The following SYT1 variants were observed in gnomAD, a reference collection of about 807,000 sequenced individuals.
The protein encoded by SYT1 is synaptotagmin 1, also known as synaptotagmin-1.
In SYT1, 8 loss-of-function variants were observed where a neutral mutation model predicts 44.8. That is an observed-to-expected ratio of 0.18 (90% CI 0.10 to 0.32). SYT1 has a LOEUF of 0.32. SYT1 is among the 10% of genes least tolerant of loss of function. The pLI, the probability that SYT1 is intolerant of heterozygous loss-of-function variation, is 1.00. For missense variants in SYT1, 286 were observed against 509.3 expected (o/e 0.56, Z 4.22); for synonymous variants, 154 against 188.8 (o/e 0.82, Z 1.51).
intron 9 of SYT1, among the ~76,000 whole-genome samples, chr12:79,368,257 A>G (rs528106445): frequency 3.9e-5 from 6 of 152,142 alleles, no homozygotes; most frequent in African/African-American, 1.2e-4. Context: ...ATAGTATTCC[A>G]TGGTGTATAT....
intron 1 of SYT1, among the ~76,000 whole-genome samples, chr12:78,955,735 C>G (rs955444829): frequency 2.1e-5 from 3 of 145,570 alleles, no homozygotes; most frequent in Non-Finnish European, 3.0e-5. Flanking sequence ...CAGAAAGAAA[C>G]TTTTTTTTTT....
intron 3 of SYT1, among the ~76,000 whole-genome samples, chr12:79,125,844 G>A (rs1868404200): frequency 6.6e-6 from 1 of 152,120 alleles, no homozygotes; most frequent in South Asian, 2.1e-4. Context: ...CCTTATCAAA[G>A]AAGACTTTCC....
intron 9 of SYT1, among the ~76,000 whole-genome samples, chr12:79,434,162 TC>T (rs2136184582): frequency 6.6e-6 from 1 of 152,368 alleles, no homozygotes; most frequent in East Asian, 1.9e-4. Context: ...ATGAACTAAA[TC>T]AGCCTTTGCT....
chr12:79,080,529 A>T (rs1273090868), intron 3 of SYT1, among the ~76,000 whole-genome samples: 4 of 152,180 alleles, frequency 2.6e-5, no homozygotes, highest in South Asian at 2.1e-4. Flanking sequence ...ATCACAATGG[A>T]TTTTGGTGGA....
intron 3 of SYT1, among the ~76,000 whole-genome samples, chr12:79,071,608 C>T (rs757044456): frequency 3.3e-5 from 5 of 152,154 alleles, no homozygotes; most frequent in Admixed American, 6.5e-5. Flanking sequence ...GAAATCCAAA[C>T]TCAAGATGTC....
intron 8 of SYT1, among the ~76,000 whole-genome samples, chr12:79,310,342 T>C (rs1880710188): frequency 6.6e-6 from 1 of 152,136 alleles, no homozygotes; most frequent in Admixed American, 6.5e-5. Context: ...TGTGGCGTTA[T>C]TTCTGAGGGC....
chr12:79,448,503 C>T (rs1455558555), intron 10 of SYT1, among the ~76,000 whole-genome samples: 1 of 152,146 alleles, frequency 6.6e-6, no homozygotes, highest in African/African-American at 2.4e-5. Flanking sequence ...AATGCCAGAA[C>T]TTTCACTGAT....
At chr12:79,423,597 G>A (rs918049017) in intron 9 of SYT1, among the ~76,000 whole-genome samples, 1 of 151,922 alleles carries the variant, frequency 6.6e-6, no homozygotes, top group Non-Finnish European at 1.5e-5. Flanking sequence ...TCTTACTCTT[G>A]GCTAAAAAAC....
intron 1 of SYT1, among the ~76,000 whole-genome samples, chr12:78,922,420 A>G (rs1397634356): frequency 4.0e-5 from 6 of 151,692 alleles, no homozygotes; most frequent in South Asian, 2.1e-4. Context: ...AATGTTGTTT[A>G]TTATATTAAA....
intron 8 of SYT1, among the ~76,000 whole-genome samples, chr12:79,308,596 A>G (rs1456441180): frequency 3.6e-5 from 3 of 82,520 alleles, no homozygotes; most frequent in Non-Finnish European, 7.3e-5. Context: ...AGAAAGAAGA[A>G]AGAAAGAAAG....
At chr12:79,072,153 A>C (rs1876326137) in intron 3 of SYT1, among the ~76,000 whole-genome samples, 1 of 152,168 alleles carries the variant, frequency 6.6e-6, no homozygotes, top group South Asian at 2.1e-4. Context: ...AAAAAGGATT[A>C]TCTTCTATGA....
At chr12:79,224,937 G>C (rs1053500969) in intron 4 of SYT1, among the ~76,000 whole-genome samples, 1 of 151,570 alleles carries the variant, frequency 6.6e-6, no homozygotes, top group African/African-American at 2.4e-5. Context: ...ACACCACCAC[G>C]CCTGGCTAAT....
intron 3 of SYT1, among the ~76,000 whole-genome samples, chr12:79,192,766 C>T (rs1873208658): frequency 6.6e-6 from 1 of 152,168 alleles, no homozygotes; most frequent in African/African-American, 2.4e-5. Flanking sequence ...ACATTGACCT[C>T]ACAGTATGAG....
rs1366458753 is a variant in SYT1 at position 79,192,138 on chromosome 12, A to AAG, written c.-17-25365_-17-25364insAG. 2.0e-5 allele frequency among the ~76,000 whole-genome samples: 3 copies of AAG among 152,292 alleles called. No homozygotes were observed. The East Asian group carries it at 5.8e-4, about 29-fold the overall frequency. On this transcript the variant is annotated intron_variant, in intron 3 of 10. Coordinates refer to ENST00000261205, the MANE Select transcript of SYT1 (RefSeq NM_005639.3). Reference sequence around the variant, plus strand: ...AAGCGTGCAAGTAAAAAGGAAAGAGATTGAAGGTCTAAGAATGTCAGAAAT... The same window carrying AAG: ...AAGCGTGCAAGTAAAAAGGAAAGAGAAGTTGAAGGTCTAAGAATGTCAGAAAT...
chr12:79,043,777 T>G (rs976948767), intron 2 of SYT1, among the ~76,000 whole-genome samples: 5 of 152,202 alleles, frequency 3.3e-5, no homozygotes, highest in African/African-American at 7.2e-5. Context: ...GTTGTTCCTT[T>G]CCATGTTTAG....
At chr12:79,396,873 G>A (rs555780154) in intron 9 of SYT1, among the ~76,000 whole-genome samples, 1 of 152,086 alleles carries the variant, frequency 6.6e-6, no homozygotes, top group Non-Finnish European at 1.5e-5. Context: ...AATAATTTTG[G>A]GTGCTGGTAA....
intron 2 of SYT1, among the ~76,000 whole-genome samples, chr12:78,984,512 T>C (rs562468397): frequency 7.2e-5 from 11 of 152,036 alleles, no homozygotes; most frequent in African/African-American, 2.6e-4. Context: ...GAGGATTTAA[T>C]ATCCAGAATA....
At chr12:78,961,564 A>G (rs1879506021) in intron 1 of SYT1, among the ~76,000 whole-genome samples, 1 of 152,072 alleles carries the variant, frequency 6.6e-6, no homozygotes, top group Non-Finnish European at 1.5e-5. Context: ...TTATCTTTGT[A>G]ACTATGTCTC....
chr12:79,409,485 G>A (rs1236936558), intron 9 of SYT1, among the ~76,000 whole-genome samples: 3 of 151,970 alleles, frequency 2.0e-5, no homozygotes, highest in Non-Finnish European at 2.9e-5. Flanking sequence ...ATATTACTTC[G>A]CTTTGTTCTG....
Sources: gnomAD v4.1 joint callset for allele counts (sites outside exome capture counted in the v4.1 genomes callset) on GRCh38, gnomAD v4.1.1 for gene constraint, MANE v1.5 for transcripts, NCBI Gene and HGNC (gene_info 2026-07-23, HGNC 2026-07-21) for gene names.